AADAT: variants seen among roughly 807,000 people sequenced by gnomAD.
AADAT encodes kynurenine/alpha-aminoadipate aminotransferase, mitochondrial.
Under a neutral mutation model 56.2 loss-of-function variants are expected in AADAT, and 25 were observed. That is an observed-to-expected ratio of 0.44 (90% confidence interval 0.32 to 0.62). AADAT has a LOEUF of 0.62. Ranked by LOEUF, AADAT falls within the 20% of genes least tolerant of loss-of-function variation. AADAT has a pLI of 0.04. For missense variants in AADAT, 387 were observed against 510.5 expected (o/e 0.76, Z 2.33); for synonymous variants, 173 against 164.7 (o/e 1.05, Z -0.39).
chr4:170,073,406 T>A lies in AADAT; in HGVS notation c.445-61A>T, dbSNP rs1490713377. 4 of 1,446,084 alleles carry A rather than the reference T, an allele frequency of 2.8e-6. No individual in the cohort carries two copies. In the East Asian group the frequency reaches 9.4e-5, roughly 34 times the overall value. 89.6% of individuals were successfully genotyped at this position (1,446,084 alleles called of 1,614,324 possible). A position where few individuals can be genotyped will look rare whatever the true frequency, so the allele number is the denominator to read the frequency against. On this transcript the variant is annotated intron_variant, in intron 4 of 12. Transcript: ENST00000337664. ...ATTACAAATGTAAGTGCTATTGGTT[T>A]TTTTTTTTTCTTTCTAACTAAGAAC...
rs1224307365 is a variant in AADAT, at chr4:170,089,730, T to C, written c.-40A>G. 6 of 1,609,478 alleles carry C rather than the reference T, an allele frequency of 3.7e-6. No individual in the cohort carries two copies. Among genetic ancestry groups the C allele is most frequent in the Middle Eastern group, 1.7e-4 (1 of 6,042 alleles). On this transcript the variant is annotated 5_prime_UTR_variant, in exon 1 of 13. Coordinates refer to ENST00000337664, the MANE Select transcript of AADAT (RefSeq NM_016228.4). ...AAGCATCAAGCTTCTTCTTCAGTGGTTGAGGACTAGAAAAACCAAAGAGCC... is the reference window on the plus strand; with the variant it reads ...AAGCATCAAGCTTCTTCTTCAGTGGCTGAGGACTAGAAAAACCAAAGAGCC...
chr4:170,070,462 T>C (rs1166591521), intron 6 of AADAT, 125 bp downstream of exon 6: 5 of 641,390 alleles, frequency 7.8e-6, no homozygotes, highest in African/African-American at 1.9e-5. Context: ...TTAATCATAA[T>C]TGATTTATTT....
intron 7 of AADAT, 144 bp downstream of exon 7, chr4:170,069,004 T>C: frequency 1.5e-6 from 1 of 675,424 alleles, no homozygotes; most frequent in Non-Finnish European, 2.4e-6. Context: ...AAGGCCTGTG[T>C]TAATATTAAT....
intron 3 of AADAT, among the ~76,000 whole-genome samples, chr4:170,086,140 G>C (rs531288895): frequency 6.6e-6 from 1 of 152,102 alleles, no homozygotes; most frequent in Non-Finnish European, 1.5e-5. Context: ...AGCTACCTGG[G>C]AGGCTAAGGT....
upstream of AADAT, among the ~76,000 whole-genome samples, chr4:170,091,241 G>C (rs527295382): frequency 6.6e-5 from 10 of 152,188 alleles, no homozygotes; most frequent in African/African-American, 1.9e-4. Flanking sequence ...GGAGAGGCAC[G>C]GGCGGGAACC....
intron 4 of AADAT, among the ~76,000 whole-genome samples, chr4:170,076,071 T>A (rs900711413): frequency 6.6e-6 from 1 of 152,200 alleles, no homozygotes; most frequent in Non-Finnish European, 1.5e-5. Flanking sequence ...AAGTATCTGT[T>A]TGAGTCCCAG....
At chr4:170,067,435 G>A (rs372191954) in intron 8 of AADAT, 47 bp from the exon 9 acceptor site, 2 of 1,520,952 alleles carry the variant, frequency 1.3e-6, no homozygotes, top group African/African-American at 1.4e-5. Context: ...CCCTGAAAAT[G>A]TACTTTTTGC....
At chr4:170,093,030 A>ATTGTAAC (rs1320378777), upstream of AADAT, among the ~76,000 whole-genome samples, 1 of 89,612 alleles carries the variant, frequency 1.1e-5, no homozygotes, top group African/African-American at 4.3e-5. Context: ...ATCAAGGTAA[A>ATTGTAAC]TTGTAACTTG....
intron 3 of AADAT, among the ~76,000 whole-genome samples, chr4:170,084,241 AG>A (rs1732449558): frequency 6.6e-6 from 1 of 152,160 alleles, no homozygotes; most frequent in South Asian, 2.1e-4. Flanking sequence ...AAAGGACAGG[AG>A]GGAGATAGGG....
chr4:170,088,945 C>T (rs1000943211), intron 1 of AADAT, among the ~76,000 whole-genome samples: 22 of 152,112 alleles, frequency 1.4e-4, no homozygotes, highest in Admixed American at 2.6e-4. Context: ...CATGGTGACA[C>T]AGAAGCTGCT....
intron 9 of AADAT, among the ~76,000 whole-genome samples, chr4:170,067,043 C>T (rs369538162): frequency 3.2e-4 from 49 of 152,008 alleles, no homozygotes; most frequent in African/African-American, 1.0e-3. Flanking sequence ...TGAAGTTTAC[C>T]CATTACATCA....
chr4:170,092,502 A>G (rs1369564382), upstream of AADAT, among the ~76,000 whole-genome samples: 2 of 152,360 alleles, frequency 1.3e-5, no homozygotes, highest in East Asian at 3.9e-4. Flanking sequence ...ACTGACTTTA[A>G]GAACTGTTAA....
intron 10 of AADAT, among the ~76,000 whole-genome samples, chr4:170,066,179 TC>T (rs1484980545): frequency 6.6e-5 from 10 of 152,146 alleles, no homozygotes; most frequent in Admixed American, 1.3e-4. Context: ...GATTTTTAGA[TC>T]TTTTTTTTTT....
Position 170,070,713 on chromosome 4 carries a change from A to C in AADAT, c.655-61T>G, listed in dbSNP as rs189298309. 3.4e-4 allele frequency: 403 copies of C among 1,168,272 alleles called. 7 individuals are homozygous for C. In the Admixed American group the frequency reaches 8.4e-3, roughly 24 times the overall value. The allele number at this position is 1,168,272 out of a possible 1,614,324, so 72.4% of individuals were successfully genotyped here. A position where few individuals can be genotyped will look rare whatever the true frequency, so the allele number is the denominator to read the frequency against. ...CTATTTATTTCTTAAAAGTTATCTA[A>C]AATTAAATTCATTTGGAATTATAAT... On this transcript the variant is annotated intron_variant, in intron 5 of 12. Coordinates refer to ENST00000337664, the MANE Select transcript of AADAT (RefSeq NM_016228.4).
intron 7 of AADAT, 24 bp from the exon 8 acceptor site, chr4:170,068,711 G>C (rs372275480): frequency 9.7e-6 from 14 of 1,447,192 alleles, no homozygotes; most frequent in Non-Finnish European, 1.3e-5. Context: ...GAAAAGGCAC[G>C]ATACCAATTC....
At chr4:170,062,254 G>C (rs191002651) in intron 11 of AADAT, among the ~76,000 whole-genome samples, 27 of 152,296 alleles carry the variant, frequency 1.8e-4, no homozygotes, top group Admixed American at 1.8e-3. Context: ...CACGAAAACT[G>C]AGAACACTCA....
At position 170,073,401 on chromosome 4, in the gene AADAT, TG is replaced by T. The variant is rs1421617294; in HGVS notation, c.445-57del. 2.5e-5 allele frequency: 36 copies of T among 1,436,724 alleles called. No individual in the cohort carries two copies. The African/African-American group carries it at 5.9e-4, about 24-fold the overall frequency. 89.0% of individuals were successfully genotyped at this position (1,436,724 alleles called of 1,614,324 possible). A position where few individuals can be genotyped will look rare whatever the true frequency, so the allele number is the denominator to read the frequency against. ...TCATGATTACAAATGTAAGTGCTAT[TG>T]GTTTTTTTTTTTTCTTTCTAACTAA... On this transcript the variant is annotated intron_variant, in intron 4 of 12. Coordinates refer to ENST00000337664, the MANE Select transcript of AADAT (RefSeq NM_016228.4).
chr4:170,089,501 A>G, intron 1 of AADAT, 123 bp downstream of exon 1: 1 of 1,054,046 alleles, frequency 9.5e-7, no homozygotes, highest in South Asian at 1.4e-5. Context: ...AGCCTGGCTC[A>G]CCGCGAGCGT....
chr4:170,092,356 C>G (rs560454662), upstream of AADAT, among the ~76,000 whole-genome samples: 5 of 152,348 alleles, frequency 3.3e-5, no homozygotes, highest in South Asian at 1.0e-3. Flanking sequence ...ACAAATCCAG[C>G]CGAGCTGTCT....
Sources: gnomAD v4.1 joint callset for allele counts (sites outside exome capture counted in the v4.1 genomes callset) on GRCh38, gnomAD v4.1.1 for gene constraint, MANE v1.5 for transcripts, NCBI Gene and HGNC (gene_info 2026-07-23, HGNC 2026-07-21) for gene names.